The following MYO18B variants were observed in gnomAD, a reference collection of about 807,000 sequenced individuals.
The protein encoded by MYO18B is myosin XVIIIB, also known as unconventional myosin-XVIIIb.
MYO18B carries 204 observed loss-of-function variants against 273.0 expected under a neutral mutation model. The observed-to-expected ratio is 0.75, with a 90% CI of 0.67 to 0.84. The LOEUF (loss-of-function observed/expected upper bound fraction) is 0.84. MYO18B is among the 40% of genes least tolerant of loss of function. MYO18B has a pLI of 0.00. For synonymous variants in MYO18B, 1,330 were observed against 1,305.7 expected (o/e 1.02, Z -0.40); for missense variants, 3,212 against 3,287.6 (o/e 0.98, Z 0.56).
intron 42 of MYO18B, among the ~76,000 whole-genome samples, chr22:26,015,530 C>T (rs8137747): frequency 0.13 from 19,335 of 152,134 alleles, 1,330 homozygotes; most frequent in African/African-American, 0.16. Context: ...GGCCATTATC[C>T]GTAGCAAACT....
intron 12 of MYO18B, among the ~76,000 whole-genome samples, chr22:25,821,010 GC>G (rs1325070360): frequency 6.6e-6 from 1 of 152,138 alleles, no homozygotes; most frequent in East Asian, 1.9e-4. Context: ...AAGACTTCAT[GC>G]TTTTTTATGT....
chr22:25,844,463 G>A (rs955728458), intron 18 of MYO18B, among the ~76,000 whole-genome samples: 4 of 152,178 alleles, frequency 2.6e-5, no homozygotes, highest in African/African-American at 9.6e-5. Flanking sequence ...GACCAGGGAG[G>A]TGCTGGTGTC....
At chr22:25,821,917 C>T (rs1601800926) in intron 12 of MYO18B, among the ~76,000 whole-genome samples, 1 of 152,114 alleles carries the variant, frequency 6.6e-6, no homozygotes, top group African/African-American at 2.4e-5. Flanking sequence ...TAATATTTAG[C>T]CATATTTCCC....
chr22:25,772,300 A>G, intron 6 of MYO18B, 34 bp from the exon 7 acceptor site: 1 of 1,592,732 alleles, frequency 6.3e-7, no homozygotes, highest in Admixed American at 1.7e-5. Flanking sequence ...GAAGGCCAGA[A>G]GGCCAGAGGA....
At chr22:25,755,195 TA>T (rs1294379432) in intron 1 of MYO18B, among the ~76,000 whole-genome samples, 1 of 152,150 alleles carries the variant, frequency 6.6e-6, no homozygotes, top group African/African-American at 2.4e-5. Flanking sequence ...TGTGTCTTTT[TA>T]AATTAAATTT....
intron 15 of MYO18B, among the ~76,000 whole-genome samples, chr22:25,830,353 AC>A (rs2089660191): frequency 6.6e-6 from 1 of 151,950 alleles, no homozygotes; most frequent in Non-Finnish European, 1.5e-5. Flanking sequence ...GTAATAAACT[AC>A]CCCCAAGTGT....
At chr22:25,771,351 C>T (rs1184065341) in intron 6 of MYO18B, among the ~76,000 whole-genome samples, 2 of 152,222 alleles carry the variant, frequency 1.3e-5, no homozygotes, top group Non-Finnish European at 2.9e-5. Flanking sequence ...TGTTTTCACT[C>T]TGGCCGCCAG....
intron 35 of MYO18B, among the ~76,000 whole-genome samples, chr22:25,947,373 A>G (rs921641973): frequency 6.6e-6 from 1 of 151,908 alleles, no homozygotes; most frequent in Non-Finnish European, 1.5e-5. Context: ...TTGCATTTTC[A>G]TATATGTACT....
chr22:25,881,378 A>G (rs2091329734), intron 25 of MYO18B, among the ~76,000 whole-genome samples: 1 of 152,248 alleles, frequency 6.6e-6, no homozygotes, highest in African/African-American at 2.4e-5. Context: ...TAAGGGGGAG[A>G]AGAAATGACA....
chr22:25,800,029 G>A (rs1052046151), intron 12 of MYO18B, among the ~76,000 whole-genome samples: 1 of 151,834 alleles, frequency 6.6e-6, no homozygotes, highest in African/African-American at 2.4e-5. Flanking sequence ...ATGAAATAAT[G>A]TCTTTTGCAG....
intron 12 of MYO18B, among the ~76,000 whole-genome samples, chr22:25,805,063 CA>C (rs2088405073): frequency 6.6e-6 from 1 of 152,184 alleles, no homozygotes; most frequent in Non-Finnish European, 1.5e-5. Context: ...CCCTTTCCCT[CA>C]CTCCTCATGT....
At chr22:25,895,029 G>C in intron 27 of MYO18B, 127 bp from the exon 28 acceptor site, 1 of 1,161,380 alleles carries the variant, frequency 8.6e-7, no homozygotes, top group African/African-American at 1.5e-5. Flanking sequence ...CAAGGTTGAG[G>C]CTCAAGGGCT....
intron 12 of MYO18B, among the ~76,000 whole-genome samples, chr22:25,805,184 A>G (rs1432402434): frequency 1.3e-5 from 2 of 152,148 alleles, no homozygotes; most frequent in Non-Finnish European, 2.9e-5. Flanking sequence ...GATTTAGCAC[A>G]TGGCATCCCA....
chr22:25,992,569 G>T (rs546669408), intron 40 of MYO18B, 76 bp downstream of exon 40: 1 of 1,586,410 alleles, frequency 6.3e-7, no homozygotes, highest in Non-Finnish European at 8.6e-7. Flanking sequence ...CCCTTTAGCC[G>T]GGCTGGGGCC....
intron 34 of MYO18B, among the ~76,000 whole-genome samples, chr22:25,935,183 G>C (rs2092560942): frequency 6.6e-6 from 1 of 152,270 alleles, no homozygotes; most frequent in African/African-American, 2.4e-5. Context: ...CTTGGGAGAA[G>C]GGCACAAAAC....
chr22:25,841,226 G>C (rs2090073042), intron 17 of MYO18B, among the ~76,000 whole-genome samples: 1 of 152,176 alleles, frequency 6.6e-6, no homozygotes. Context: ...GGCCCTCTCT[G>C]GGGGGTTCAG....
chr22:25,905,867 C>T (rs191277833), intron 31 of MYO18B, among the ~76,000 whole-genome samples: 19 of 151,922 alleles, frequency 1.3e-4, no homozygotes, highest in Admixed American at 1.0e-3. Context: ...GCATGGATGA[C>T]GGTGCAGTGC....
rs1214564399 is a variant in MYO18B at position 25,883,616 on chromosome 22, C to T, written c.4314+5568C>T. ...TTGGAAGGGAATTTCTGTTAACAGA[C>T]AGGGATCAGACACCCTTCCAGGACC... On this transcript the variant is annotated intron_variant, in intron 25 of 43. Transcript: ENST00000335473. This position sits in a 1 kb window ranked among gnomAD's most constrained non-coding sequence, Gnocchi z 7.6. 1 of 152,194 alleles carries T rather than the reference C, an allele frequency of 6.6e-6. No homozygotes were observed. The highest frequency in any genetic ancestry group is 2.4e-5 in the African/African-American group (1 of 41,450). 9.4% of individuals were successfully genotyped at this position (152,194 alleles called of 1,614,324 possible). A position where few individuals can be genotyped will look rare whatever the true frequency, so the allele number is the denominator to read the frequency against.
At chr22:25,895,890 C>CCCCAGTAGT (rs2091787243) in intron 28 of MYO18B, among the ~76,000 whole-genome samples, 1 of 151,716 alleles carries the variant, frequency 6.6e-6, no homozygotes, top group East Asian at 1.9e-4. Context: ...TGTGCTCCTC[C>CCCCAGTAGT]CCCAGTAGTC....
Sources: gnomAD v4.1 joint callset for allele counts (sites outside exome capture counted in the v4.1 genomes callset) on GRCh38, gnomAD v4.1.1 for gene constraint, Gnocchi (gnomAD v3.1) non-coding constraint, MANE v1.5 for transcripts, NCBI Gene and HGNC (gene_info 2026-07-23, HGNC 2026-07-21) for gene names.